CACNA2D1: variants seen among roughly 807,000 people sequenced by gnomAD.
CACNA2D1 encodes the protein voltage-dependent calcium channel subunit alpha-2/delta-1.
A neutral mutation model predicts 171.5 loss-of-function variants in CACNA2D1; 53 were observed. That is an observed-to-expected ratio of 0.31 (90% CI 0.25 to 0.39). The LOEUF is 0.39. Among genes scored for constraint, CACNA2D1 ranks in the 10% least tolerant of loss-of-function variants. CACNA2D1 has a pLI of 1.00. For missense variants in CACNA2D1, 903 were observed against 1,299.8 expected, an observed-to-expected ratio of 0.69 and a Z score of 4.69; for synonymous variants, 442 against 443.1, an observed-to-expected ratio of 1.00 and a Z score of 0.03.
At position 82,389,332 on chromosome 7, in the gene CACNA2D1, G is replaced by T. The variant is rs568094712; in HGVS notation, c.96-39683C>A. On this transcript the variant is annotated intron_variant, in intron 1 of 38. Transcript: ENST00000356860. ...TTTTGACTGTTATCTCTGCCACCCT[G>T]CAAACCTCTTAATGCATGCTCAAGA... Among the ~76,000 whole-genome samples the T allele has an allele frequency of 4.0e-5, 6 of 151,800 alleles. No homozygotes were observed. In the East Asian group the frequency reaches 1.2e-3, roughly 29 times the overall value.
intron 1 of CACNA2D1, among the ~76,000 whole-genome samples, chr7:82,440,421 C>G (rs913043832): frequency 1.3e-5 from 2 of 151,802 alleles, no homozygotes; most frequent in African/African-American, 4.8e-5. Flanking sequence ...AAACGGACAA[C>G]TACCCTTTTT....
chr7:82,278,875 A>G (rs1477973022), intron 3 of CACNA2D1, among the ~76,000 whole-genome samples: 5 of 152,192 alleles, frequency 3.3e-5, no homozygotes, highest in Non-Finnish European at 7.3e-5. Context: ...GTAAGGGTCT[A>G]CTCGTTCAGC....
chr7:82,002,274 T>C (rs1393802344), intron 18 of CACNA2D1, among the ~76,000 whole-genome samples: 2 of 152,000 alleles, frequency 1.3e-5, no homozygotes, highest in African/African-American at 4.8e-5. Flanking sequence ...TTCTCCTCCA[T>C]GTGAGGTTAG....
At chr7:82,005,564 A>T in intron 17 of CACNA2D1, 67 bp from the exon 18 acceptor site, 9 of 1,027,048 alleles carry the variant, frequency 8.8e-6, no homozygotes, top group Non-Finnish European at 1.3e-5. Flanking sequence ...ATATTCTTTT[A>T]AATACATAAT....
At position 81,961,930 on chromosome 7, in the gene CACNA2D1, G is replaced by A; in HGVS notation, c.2930C>T (p.Ser977Leu). 9 of 1,610,472 alleles carry A rather than the reference G, an allele frequency of 5.6e-6. No homozygotes were observed. The highest frequency in any genetic ancestry group is 7.6e-6 in the Non-Finnish European group (9 of 1,177,158). Residue 977 changes from serine (S) to leucine (L), a missense_variant, in exon 36 of 39, where the codon TCA becomes TTA. Physicochemically the swap from Ser to Leu is moderately radical, Grantham distance 145 (BLOSUM62 -2). Around this residue, in one of 5 missense-constraint regions of CACNA2D1, gnomAD observed 623 missense variants for 925.5 expected, o/e 0.67. Coordinates refer to ENST00000356860, the MANE Select transcript of CACNA2D1 (RefSeq NM_000722.4). ...TQYFFDNDSK[S>L]FSGVLDCGNC... ...TCCACAGTCTAATACACCACTGAAT[G>A]ATTTACTGTCGTTATCGAAGAAATA... is the stretch of plus-strand genomic sequence containing the variant.
chr7:82,038,145 T>C lies in CACNA2D1; in HGVS notation c.970A>G (p.Asn324Asp). The C allele has an allele frequency of 6.2e-7, 1 of 1,613,416 alleles. No individual in the cohort carries two copies. The highest frequency in any genetic ancestry group is 8.5e-7 in the Non-Finnish European group (1 of 1,179,434). The change falls in exon 11 of 39, where the codon AAT (asparagine) becomes GAT (aspartate). Residue 324 changes from asparagine (N) to aspartate (D), a missense_variant. By Grantham distance (23) the Asn-to-Asp change is conservative (BLOSUM62 1). Coordinates refer to ENST00000356860, the MANE Select transcript of CACNA2D1 (RefSeq NM_000722.4). ...TCTGTAATTCCTTTGGCTGTGATAT[T>C]ATTCACCGCGTCTTTCAACACTTTT... ...NKKVLKDAVN[N>D]ITAKGITDYK...
At chr7:82,197,575 T>C (rs1798975892) in intron 3 of CACNA2D1, among the ~76,000 whole-genome samples, 1 of 152,076 alleles carries the variant, frequency 6.6e-6, no homozygotes, top group Non-Finnish European at 1.5e-5. Context: ...TAATGCAGTG[T>C]GATGTGTCAC....
At chr7:82,347,888 C>T (rs1302103261) in intron 2 of CACNA2D1, among the ~76,000 whole-genome samples, 4 of 152,224 alleles carry the variant, frequency 2.6e-5, no homozygotes, top group African/African-American at 9.6e-5. Flanking sequence ...AGTAATCTAT[C>T]CTTCATAAAG....
intron 3 of CACNA2D1, among the ~76,000 whole-genome samples, chr7:82,259,761 A>G (rs1057023566): frequency 2.9e-4 from 44 of 152,318 alleles, no homozygotes; most frequent in Admixed American, 1.2e-3. Flanking sequence ...AGCTCAGACT[A>G]GAGCCCTATT....
At chr7:81,995,299 G>T (rs376245093) in intron 19 of CACNA2D1, among the ~76,000 whole-genome samples, 3 of 152,034 alleles carry the variant, frequency 2.0e-5, no homozygotes, top group Admixed American at 6.6e-5. Context: ...CATATAACAC[G>T]GAATGCTTCA....
At chr7:82,440,005 T>G (rs560068164) in intron 1 of CACNA2D1, among the ~76,000 whole-genome samples, 19 of 151,846 alleles carry the variant, frequency 1.3e-4, no homozygotes, top group Non-Finnish European at 2.2e-4. Flanking sequence ...ACATACAAAA[T>G]TTCTCCTTTA....
chr7:82,256,272 T>G (rs1252050891), intron 3 of CACNA2D1, among the ~76,000 whole-genome samples: 1 of 152,048 alleles, frequency 6.6e-6, no homozygotes, highest in African/African-American at 2.4e-5. Flanking sequence ...ACAGCCTGGG[T>G]GACAGAGTAA....
chr7:82,144,150 C>G (rs1004133692), intron 4 of CACNA2D1, among the ~76,000 whole-genome samples: 34 of 151,850 alleles, frequency 2.2e-4, no homozygotes, highest in African/African-American at 8.2e-4. Flanking sequence ...CTTGAGGCTT[C>G]CTTCATCTGT....
intron 1 of CACNA2D1, among the ~76,000 whole-genome samples, chr7:82,397,137 C>A (rs1825825799): frequency 6.6e-6 from 1 of 152,170 alleles, no homozygotes; most frequent in African/African-American, 2.4e-5. Context: ...ATCCAGGAGG[C>A]TTTCATCACT....
intron 1 of CACNA2D1, among the ~76,000 whole-genome samples, chr7:82,412,114 C>T (rs1011433578): frequency 1.3e-5 from 2 of 151,970 alleles, no homozygotes; most frequent in Non-Finnish European, 2.9e-5. Flanking sequence ...TTCAAAACAT[C>T]AGGTACATAA....
At chr7:82,236,909 A>G (rs568184350) in intron 3 of CACNA2D1, among the ~76,000 whole-genome samples, 1 of 151,976 alleles carries the variant, frequency 6.6e-6, no homozygotes, top group Non-Finnish European at 1.5e-5. Flanking sequence ...AAAATAATAA[A>G]TAATCCAATT....
At chr7:81,992,703 TAATC>T (rs1449607897) in intron 20 of CACNA2D1, among the ~76,000 whole-genome samples, 1 of 152,182 alleles carries the variant, frequency 6.6e-6, no homozygotes, top group African/African-American at 2.4e-5. Flanking sequence ...TGTAATAAAA[TAATC>T]AAACGGACAA....
chr7:82,219,634 G>T (rs923892483), intron 3 of CACNA2D1, among the ~76,000 whole-genome samples: 4 of 152,024 alleles, frequency 2.6e-5, no homozygotes, highest in Non-Finnish European at 4.4e-5. Flanking sequence ...GAAGAGCAAA[G>T]ACCTAGTCTC....
At chr7:82,311,621 T>C (rs1403307638) in intron 3 of CACNA2D1, among the ~76,000 whole-genome samples, 2 of 152,224 alleles carry the variant, frequency 1.3e-5, no homozygotes, top group African/African-American at 2.4e-5. Context: ...CATTTACCTT[T>C]CTACTGCTCT....
Sources: gnomAD v4.1 joint callset for allele counts (sites outside exome capture counted in the v4.1 genomes callset) on GRCh38, gnomAD v4.1.1 for gene constraint, gnomAD v4.1.1 regional missense constraint, MANE v1.5 for transcripts, NCBI Gene and HGNC (gene_info 2026-07-23, HGNC 2026-07-21) for gene names.